The following STK32A variants were observed in gnomAD, a reference collection of about 807,000 sequenced individuals.
STK32A encodes the protein serine/threonine kinase 32A.
Under a neutral mutation model 53.2 loss-of-function variants are expected in STK32A, and 41 were observed. That is an observed-to-expected ratio of 0.77 (90% CI 0.60 to 1.00). The LOEUF (loss-of-function observed/expected upper bound fraction) is 1.00, where lower values mean the gene tolerates loss of function less well. Among genes scored for constraint, STK32A ranks in the 50% least tolerant of loss-of-function variants. The pLI, the probability that STK32A is intolerant of heterozygous loss-of-function variation, is 0.00. For missense variants in STK32A, 458 were observed against 485.8 expected, an observed-to-expected ratio of 0.94 and a Z score of 0.54; for synonymous variants, 166 against 162.8, an observed-to-expected ratio of 1.02 and a Z score of -0.15.
intron 4 of STK32A, among the ~76,000 whole-genome samples, chr5:147,308,955 TTATG>T (rs141764009): frequency 0.018 from 2,781 of 150,556 alleles, 90 homozygotes; most frequent in African/African-American, 0.064. Context: ...CATACATTAT[TTATG>T]TATGTTATTT....
At chr5:147,280,414 G>C (rs1294393156) in intron 4 of STK32A, among the ~76,000 whole-genome samples, 1 of 150,632 alleles carries the variant, frequency 6.6e-6, no homozygotes, top group Non-Finnish European at 1.5e-5. Flanking sequence ...GTTGGCGGGG[G>C]AGGGGGGTTG....
At chr5:147,235,409 C>G (rs974442088) in intron 1 of STK32A, among the ~76,000 whole-genome samples, 2 of 152,222 alleles carry the variant, frequency 1.3e-5, no homozygotes, top group Non-Finnish European at 2.9e-5. Flanking sequence ...CAGACCCAGA[C>G]AGACTTCAAT....
chr5:147,363,895 G>A (rs1430916600), intron 8 of STK32A, among the ~76,000 whole-genome samples: 3 of 152,094 alleles, frequency 2.0e-5, no homozygotes, highest in Admixed American at 6.6e-5. Context: ...AAGGAACCAA[G>A]TTACTCCTTC....
rs1258375601 is a variant in STK32A at position 147,375,353 on chromosome 5, G to C, written c.1032+135G>C. The C allele has an allele frequency of 4.1e-6, 5 of 1,212,928 alleles. No homozygotes were observed. The African/African-American group carries it at 6.2e-5, about 15-fold the overall frequency. The allele number at this position is 1,212,928 out of a possible 1,614,324, so 75.1% of individuals were successfully genotyped here. A position where few individuals can be genotyped will look rare whatever the true frequency, so the allele number is the denominator to read the frequency against. On this transcript the variant is annotated intron_variant, in intron 11 of 12. Transcript: ENST00000397936. ...GTGAAATAGGAGAAGTAGATCAGCC[G>C]GGTTTCTAAAAGGGCAGACCAGAGC...
chr5:147,290,222 T>C (rs976424470), intron 4 of STK32A, among the ~76,000 whole-genome samples: 1 of 152,066 alleles, frequency 6.6e-6, no homozygotes, highest in Admixed American at 6.6e-5. Context: ...GAACTGTGTG[T>C]GTGGTGTGTG....
At chr5:147,272,292 GT>G (rs1755074701) in intron 2 of STK32A, among the ~76,000 whole-genome samples, 1 of 152,080 alleles carries the variant, frequency 6.6e-6, no homozygotes, top group Non-Finnish European at 1.5e-5. Context: ...GGCCAGGGTG[GT>G]CTCAAACTCC....
At chr5:147,249,735 A>G (rs1373832959) in intron 2 of STK32A, among the ~76,000 whole-genome samples, 4 of 151,868 alleles carry the variant, frequency 2.6e-5, no homozygotes, top group Non-Finnish European at 5.9e-5. Context: ...CAACATGGTG[A>G]AACCTTGACT....
chr5:147,393,420 T>C, the STK32A span: 1 of 152,356 alleles, frequency 6.6e-6, no homozygotes, highest in Non-Finnish European at 1.5e-5. Context: ...AATTTACTTG[T>C]AGGGGACGTG....
chr5:147,239,831 T>C, intron 2 of STK32A, 145 bp downstream of exon 2: 1 of 630,874 alleles, frequency 1.6e-6, no homozygotes, highest in East Asian at 2.9e-5. Flanking sequence ...TCTGAGGACT[T>C]TGTAGGCTCA....
At chr5:147,397,213 T>C in the STK32A span, among the ~76,000 whole-genome samples, 2 of 130,522 alleles carry the variant, frequency 1.5e-5, no homozygotes, top group Admixed American at 8.1e-5. Flanking sequence ...TGTGTGTGTT[T>C]ATATATAAAA....
chr5:147,286,674 C>T (rs1752357667), intron 4 of STK32A, among the ~76,000 whole-genome samples: 1 of 152,154 alleles, frequency 6.6e-6, no homozygotes, highest in Admixed American at 6.6e-5. Context: ...GTCAAATTCT[C>T]ATTAGGATCT....
chr5:147,360,450 C>CAAAAA (rs56690647), intron 7 of STK32A, among the ~76,000 whole-genome samples: 42 of 81,138 alleles, frequency 5.2e-4, no homozygotes, highest in African/African-American at 1.8e-3. Flanking sequence ...GATTCTGTCT[C>CAAAAA]AAAAAAAAAA....
downstream of STK32A, chr5:147,392,226 A>G (rs1203832703): frequency 2.0e-5 from 3 of 152,212 alleles, no homozygotes; most frequent in African/African-American, 7.2e-5. Flanking sequence ...TCTCCCTTAA[A>G]AGAAAAGCAC....
intron 4 of STK32A, among the ~76,000 whole-genome samples, chr5:147,316,744 C>A (rs55780046): frequency 6.6e-6 from 1 of 150,830 alleles, no homozygotes; most frequent in African/African-American, 2.4e-5. Context: ...TAGTCCTAGC[C>A]ACTTGAAGGC....
chr5:147,401,588 A>G, the STK32A span: 1 of 1,613,738 alleles, frequency 6.2e-7, no homozygotes, highest in Non-Finnish European at 8.5e-7. Context: ...GTCAGGGCTC[A>G]GGGGTGGGGA....
intron 5 of STK32A, among the ~76,000 whole-genome samples, chr5:147,337,120 A>T (rs1020550178): frequency 6.6e-6 from 1 of 152,158 alleles, no homozygotes; most frequent in Non-Finnish European, 1.5e-5. Flanking sequence ...TAGATACATC[A>T]ATTCTTCCTT....
intron 2 of STK32A, among the ~76,000 whole-genome samples, chr5:147,242,945 C>T (rs1167992892): frequency 6.6e-6 from 1 of 152,074 alleles, no homozygotes; most frequent in African/African-American, 2.4e-5. Context: ...CACTGATTAA[C>T]CAAACAACAT....
At chr5:147,380,907 G>A (rs1366258353) in intron 11 of STK32A, among the ~76,000 whole-genome samples, 1 of 152,110 alleles carries the variant, frequency 6.6e-6, no homozygotes, top group Non-Finnish European at 1.5e-5. Flanking sequence ...TTTTAAATAT[G>A]TATTAGCCTC....
chr5:147,362,703 T>C (rs1299869720), intron 8 of STK32A, among the ~76,000 whole-genome samples: 1 of 152,202 alleles, frequency 6.6e-6, no homozygotes, highest in African/African-American at 2.4e-5. Context: ...CAAAATCTCA[T>C]CTAAACATCA....
Sources: allele counts gnomAD v4.1 joint callset (sites outside exome capture counted in the v4.1 genomes callset), GRCh38; gene constraint gnomAD v4.1.1; transcripts MANE v1.5; gene names NCBI Gene and HGNC (gene_info 2026-07-23, HGNC 2026-07-21).